DHRSX: variants seen among roughly 807,000 people sequenced by gnomAD.
The protein encoded by DHRSX is polyprenol dehydrogenase.
A neutral mutation model predicts 34.0 loss-of-function variants in DHRSX; 31 were observed. The observed-to-expected ratio is 0.91, with a 90% confidence interval of 0.69 to 1.23. The LOEUF is 1.23. Among genes scored for constraint, DHRSX ranks in the 50% most tolerant of loss-of-function variants. DHRSX has a pLI of 0.00. For missense variants in DHRSX, 414 were observed against 428.1 expected, an observed-to-expected ratio of 0.97 and a Z score of 0.29; for synonymous variants, 201 against 183.8, an observed-to-expected ratio of 1.09 and a Z score of -0.76.
In DHRSX at chrX:2,424,503, T is replaced by G. The variant is rs763572610; in HGVS notation, c.217+694A>C. ...GGAATTGGGAGGAACCAGCCCTACT[T>G]ACACTGTGATATTGAACTTCCAGCC... On this transcript the variant is annotated intron_variant, in intron 2 of 6. Coordinates refer to ENST00000334651, the MANE Select transcript of DHRSX (RefSeq NM_145177.3). 3.2e-3 allele frequency among the ~76,000 whole-genome samples: 483 copies of G among 152,256 alleles called. 4 individuals are homozygous for G. The highest frequency in any genetic ancestry group is 0.011 in the African/African-American group (449 of 41,558).
chrX:2,452,077 G>C (rs769806848), intron 1 of DHRSX, among the ~76,000 whole-genome samples: 1 of 151,938 alleles, frequency 6.6e-6, no homozygotes, highest in East Asian at 1.9e-4. Context: ...AGGTGACTAA[G>C]GGATCGCCGC....
chrX:2,220,911 C>G lies in DHRSX; in HGVS notation c.*130G>C. 1 of 828,432 alleles carries G rather than the reference C, an allele frequency of 1.2e-6. No individual in the cohort carries two copies. The highest frequency in any genetic ancestry group is 1.8e-6 in the Non-Finnish European group (1 of 541,686). The allele number at this position is 828,432 out of a possible 1,614,324, so 51.3% of individuals were successfully genotyped here. ...TCTGCAGAGGTTGAGGCAGCTGTCT[C>G]AAAACTAGAGGACAGAGCCCTGTGG... On this transcript the variant is annotated 3_prime_UTR_variant, in exon 7 of 7. Coordinates refer to ENST00000334651, the MANE Select transcript of DHRSX (RefSeq NM_145177.3).
At chrX:2,238,075 A>C (rs1203512950) in intron 6 of DHRSX, among the ~76,000 whole-genome samples, 1 of 152,106 alleles carries the variant, frequency 6.6e-6, no homozygotes, top group Non-Finnish European at 1.5e-5. Context: ...CAAACCTCTC[A>C]TCTTTATAAA....
At position 2,337,003 on chromosome X, in the gene DHRSX, G is replaced by A. The variant is rs575208807; in HGVS notation, c.287-45400C>T. On this transcript the variant is annotated intron_variant, in intron 3 of 6. Transcript: ENST00000334651. ...CTGCTTGCATTAGAAATGGGGTTTC[G>A]CCATGTTGGCCAGGCTGGTCTTGAA... 1.2e-3 allele frequency among the ~76,000 whole-genome samples: 188 copies of A among 152,052 alleles called. 8 individuals carry two copies. In the South Asian group the frequency reaches 0.038, roughly 31 times the overall value.
intron 1 of DHRSX, among the ~76,000 whole-genome samples, chrX:2,498,473 G>C (rs1310840889): frequency 1.3e-5 from 2 of 152,108 alleles, no homozygotes; most frequent in African/African-American, 4.8e-5. Flanking sequence ...ATAGGAAGGG[G>C]CTCGATGAGG....
intron 1 of DHRSX, among the ~76,000 whole-genome samples, chrX:2,491,330 A>G (rs999836102): frequency 4.6e-5 from 7 of 152,330 alleles, no homozygotes; most frequent in African/African-American, 1.7e-4. Context: ...TTGGCCTCCC[A>G]AAGTGCTGGG....
chrX:2,313,772 A>G (rs1009041518), intron 3 of DHRSX, among the ~76,000 whole-genome samples: 2 of 152,132 alleles, frequency 1.3e-5, no homozygotes, highest in African/African-American at 4.8e-5. Flanking sequence ...AGCCCTCAGG[A>G]GATCCCGAGA....
At chrX:2,451,078 T>G (rs1271558077) in intron 1 of DHRSX, among the ~76,000 whole-genome samples, 2 of 152,046 alleles carry the variant, frequency 1.3e-5, no homozygotes, top group Non-Finnish European at 2.9e-5. Flanking sequence ...TGTCTGTAGT[T>G]TATAAATTAC....
intron 1 of DHRSX, among the ~76,000 whole-genome samples, chrX:2,485,267 A>C (rs2044859409): frequency 6.7e-6 from 1 of 148,852 alleles, no homozygotes; most frequent in Non-Finnish European, 1.5e-5. Context: ...GTCCCACTTA[A>C]ATGAACATCA....
chrX:2,234,574 A>G (rs1265401490), intron 6 of DHRSX, among the ~76,000 whole-genome samples: 1 of 152,282 alleles, frequency 6.6e-6, no homozygotes, highest in Non-Finnish European at 1.5e-5. Flanking sequence ...CTGTCAGCAG[A>G]GGACTGGCTA....
intron 3 of DHRSX, among the ~76,000 whole-genome samples, chrX:2,347,431 C>T (rs181913326): frequency 1.0e-3 from 159 of 152,316 alleles, no homozygotes; most frequent in African/African-American, 3.5e-3. Context: ...CGGTGGCTCA[C>T]GCCTGTAATC....
At chrX:2,274,520 G>T (rs1379395451) in intron 4 of DHRSX, among the ~76,000 whole-genome samples, 1 of 151,548 alleles carries the variant, frequency 6.6e-6, no homozygotes, top group African/African-American at 2.4e-5. Flanking sequence ...GGGTTGAAGT[G>T]ATTCTTCTGC....
At chrX:2,409,394 A>T (rs1268530281) in intron 2 of DHRSX, among the ~76,000 whole-genome samples, 1 of 152,138 alleles carries the variant, frequency 6.6e-6, no homozygotes, top group Non-Finnish European at 1.5e-5. Context: ...CATCTACATT[A>T]GGTATTTCTC....
chrX:2,253,095 A>G (rs955172895), intron 5 of DHRSX, among the ~76,000 whole-genome samples: 42 of 152,260 alleles, frequency 2.8e-4, no homozygotes, highest in Non-Finnish European at 5.9e-4. Flanking sequence ...CTGAGGTGGG[A>G]GCAGATCATT....
chrX:2,368,347 A>C (rs1286703586), intron 3 of DHRSX, among the ~76,000 whole-genome samples: 1 of 152,108 alleles, frequency 6.6e-6, no homozygotes, highest in Non-Finnish European at 1.5e-5. Context: ...CACATACGTA[A>C]TTTATAACTA....
At chrX:2,425,794 G>A (rs188554573) in intron 1 of DHRSX, among the ~76,000 whole-genome samples, 9 of 152,290 alleles carry the variant, frequency 5.9e-5, no homozygotes, top group Admixed American at 1.3e-4. Context: ...GAGGAGGGGC[G>A]TGTTGACACC....
chrX:2,379,704 G>T (rs146524235), intron 3 of DHRSX, among the ~76,000 whole-genome samples: 14 of 150,452 alleles, frequency 9.3e-5, no homozygotes, highest in African/African-American at 3.4e-4. Context: ...CTGTCAGTGT[G>T]GGGGGCATCC....
At chrX:2,498,901 G>A (rs1269589058) in intron 1 of DHRSX, among the ~76,000 whole-genome samples, 8 of 152,044 alleles carry the variant, frequency 5.3e-5, no homozygotes, top group African/African-American at 1.7e-4. Flanking sequence ...CCTGCCCTCC[G>A]AAAGCCTGAC....
At chrX:2,339,931 G>T (rs1199812030) in intron 3 of DHRSX, among the ~76,000 whole-genome samples, 2 of 152,064 alleles carry the variant, frequency 1.3e-5, no homozygotes, top group African/African-American at 4.8e-5. Flanking sequence ...CTAGATCCTT[G>T]AGGAATCCCC....
Sources: allele counts gnomAD v4.1 joint callset (sites outside exome capture counted in the v4.1 genomes callset), GRCh38; gene constraint gnomAD v4.1.1; transcripts MANE v1.5; gene names NCBI Gene and HGNC (gene_info 2026-07-23, HGNC 2026-07-21).